AMPH: variants seen among roughly 807,000 people sequenced by gnomAD.
AMPH encodes amphiphysin, also known as amphiphysin (Stiff-Mann syndrome with breast cancer 128kD autoantigen).
A neutral mutation model predicts 99.1 loss-of-function variants in AMPH; 49 were observed. That is an observed-to-expected ratio of 0.49 (90% confidence interval 0.39 to 0.63). AMPH has a LOEUF of 0.63. AMPH is among the 20% of genes least tolerant of loss of function. The pLI, the probability that AMPH is intolerant of heterozygous loss-of-function variation, is 0.00. For missense variants in AMPH, 759 were observed against 863.4 expected (o/e 0.88, Z 1.52); for synonymous variants, 314 against 317.3 (o/e 0.99, Z 0.11).
chr7:38,590,408 T>A (rs1584279683), intron 1 of AMPH, among the ~76,000 whole-genome samples: 1 of 152,066 alleles, frequency 6.6e-6, no homozygotes, highest in Admixed American at 6.5e-5. Context: ...TGGTGGATGG[T>A]GAGTGAAAGC....
chr7:38,607,176 G>T (rs1003725794), intron 1 of AMPH, among the ~76,000 whole-genome samples: 4 of 152,100 alleles, frequency 2.6e-5, no homozygotes, highest in African/African-American at 9.7e-5. Context: ...AATGGAGATG[G>T]TGACTTAGAA....
At chr7:38,444,332 G>C (rs1181651894) in intron 11 of AMPH, among the ~76,000 whole-genome samples, 1 of 152,036 alleles carries the variant, frequency 6.6e-6, no homozygotes, top group Non-Finnish European at 1.5e-5. Flanking sequence ...TCTGGAACCT[G>C]TAAGTGTGTC....
chr7:38,571,630 A>G (rs532186035), intron 1 of AMPH, among the ~76,000 whole-genome samples: 1 of 148,440 alleles, frequency 6.7e-6, no homozygotes, highest in Non-Finnish European at 1.5e-5. Context: ...ATATTTTTGT[A>G]CAGGTGTACA....
intron 17 of AMPH, among the ~76,000 whole-genome samples, chr7:38,406,726 CT>C (rs1463950529): frequency 1.7e-5 from 1 of 60,486 alleles, no homozygotes; most frequent in Non-Finnish European, 3.4e-5. Flanking sequence ...CTCTCTCTCC[CT>C]TTCCCTCTCT....
At chr7:38,411,493 C>A (rs920916058) in intron 17 of AMPH, among the ~76,000 whole-genome samples, 1 of 152,192 alleles carries the variant, frequency 6.6e-6, no homozygotes, top group Non-Finnish European at 1.5e-5. Flanking sequence ...AGGAGGGATT[C>A]ATGCAAGGGC....
intron 11 of AMPH, among the ~76,000 whole-genome samples, chr7:38,441,828 T>TCATATCTATCATATATC: frequency 9.7e-6 from 1 of 102,986 alleles, no homozygotes; most frequent in East Asian, 3.9e-4. Flanking sequence ...TCATATATCA[T>TCATATCTATCATATATC]ATATATCATA....
intron 1 of AMPH, among the ~76,000 whole-genome samples, chr7:38,623,272 T>G (rs1001315934): frequency 1.4e-4 from 22 of 152,188 alleles, no homozygotes; most frequent in Non-Finnish European, 2.6e-4. Context: ...AAAAGCTAGT[T>G]TTCAAATGTA....
At chr7:38,499,704 T>C (rs1029200190) in intron 3 of AMPH, among the ~76,000 whole-genome samples, 2 of 152,202 alleles carry the variant, frequency 1.3e-5, no homozygotes, top group Non-Finnish European at 2.9e-5. Flanking sequence ...AATTATGATC[T>C]ACTTAAGGCA....
chr7:38,602,016 C>T (rs955490872), intron 1 of AMPH, among the ~76,000 whole-genome samples: 2 of 152,182 alleles, frequency 1.3e-5, no homozygotes, highest in African/African-American at 4.8e-5. Context: ...CTATGTGGAT[C>T]TAAACGCCCT....
intron 2 of AMPH, among the ~76,000 whole-genome samples, chr7:38,511,760 A>G (rs759238377): frequency 2.0e-5 from 3 of 152,224 alleles, no homozygotes; most frequent in South Asian, 2.1e-4. Context: ...ATACTTTGTC[A>G]CTGCTTTTGC....
rs1293961389 is a variant in AMPH at position 38,383,961 on chromosome 7, C to G, written c.*857G>C. 1 of 152,598 alleles carries G rather than the reference C, an allele frequency of 6.6e-6. No homozygotes were observed. The highest frequency in any genetic ancestry group is 2.4e-5 in the African/African-American group (1 of 41,426). 9.5% of individuals were successfully genotyped at this position (152,598 alleles called of 1,614,324 possible). A position where few individuals can be genotyped will look rare whatever the true frequency, so the allele number is the denominator to read the frequency against. On this transcript the variant is annotated 3_prime_UTR_variant, in exon 21 of 21. Coordinates refer to ENST00000356264, the MANE Select transcript of AMPH (RefSeq NM_001635.4). Reference sequence around the variant, plus strand: ...GCAGAAGAGAAGACTGCTTAGCTGCCCATCCCAACTAGCCTACCTCCAGCC... The same window carrying G: ...GCAGAAGAGAAGACTGCTTAGCTGCGCATCCCAACTAGCCTACCTCCAGCC...
intron 1 of AMPH, among the ~76,000 whole-genome samples, chr7:38,588,360 A>G (rs757459034): frequency 1.3e-5 from 2 of 152,198 alleles, no homozygotes; most frequent in Non-Finnish European, 2.9e-5. Context: ...TCAATAAGCC[A>G]TACATAGTGG....
At chr7:38,550,347 C>T (rs1791137349) in intron 1 of AMPH, among the ~76,000 whole-genome samples, 1 of 152,140 alleles carries the variant, frequency 6.6e-6, no homozygotes, top group Non-Finnish European at 1.5e-5. Flanking sequence ...GTTTGGAAAG[C>T]CTGTTCTAAA....
chr7:38,487,592 C>A (rs1788550371), intron 5 of AMPH, among the ~76,000 whole-genome samples: 1 of 152,080 alleles, frequency 6.6e-6, no homozygotes, highest in South Asian at 2.1e-4. Context: ...CTAGGCAATA[C>A]CATTCAGGAC....
At chr7:38,610,372 A>AGAAAAGAAAG (rs1793631463) in intron 1 of AMPH, among the ~76,000 whole-genome samples, 2 of 36,936 alleles carry the variant, frequency 5.4e-5, no homozygotes, top group African/African-American at 2.1e-4. Flanking sequence ...AGAAAAGAAA[A>AGAAAAGAAAG]GAAAGGAAAG....
chr7:38,484,155 T>C (rs1406662347), intron 5 of AMPH, among the ~76,000 whole-genome samples: 1 of 152,086 alleles, frequency 6.6e-6, no homozygotes, highest in African/African-American at 2.4e-5. Context: ...TTATGCATTA[T>C]GGGAGTCCCA....
intron 2 of AMPH, among the ~76,000 whole-genome samples, chr7:38,518,470 T>G (rs1789833611): frequency 6.6e-6 from 1 of 152,226 alleles, no homozygotes; most frequent in East Asian, 1.9e-4. Context: ...CCAGCCACAG[T>G]GTATCCGGTA....
At chr7:38,442,799 C>T (rs935858894) in intron 11 of AMPH, among the ~76,000 whole-genome samples, 1 of 149,390 alleles carries the variant, frequency 6.7e-6, no homozygotes, top group African/African-American at 2.5e-5. Flanking sequence ...AAAAAAAAAA[C>T]ATAAACAGAG....
In AMPH at chr7:38,429,545, G is replaced by T. The variant is rs963593833; in HGVS notation, c.1182+297C>A. 4.3e-6 allele frequency: 6 copies of T among 1,408,884 alleles called. No homozygotes were observed. The African/African-American group carries it at 7.1e-5, about 17-fold the overall frequency. 87.3% of individuals were successfully genotyped at this position (1,408,884 alleles called of 1,614,324 possible). A position where few individuals can be genotyped will look rare whatever the true frequency, so the allele number is the denominator to read the frequency against. ...TGTCTGGAGTTTCCTCCATGATCAGGTTACACAAGGAAAGACTTTCTGAAG... is the reference window on the plus strand; with the variant it reads ...TGTCTGGAGTTTCCTCCATGATCAGTTTACACAAGGAAAGACTTTCTGAAG... On this transcript the variant is annotated intron_variant, in intron 14 of 20. Coordinates refer to ENST00000356264, the MANE Select transcript of AMPH (RefSeq NM_001635.4).
Sources: gnomAD v4.1 joint callset for allele counts (sites outside exome capture counted in the v4.1 genomes callset) on GRCh38, gnomAD v4.1.1 for gene constraint, MANE v1.5 for transcripts, NCBI Gene and HGNC (gene_info 2026-07-23, HGNC 2026-07-21) for gene names.